The following OR1M1 variants were observed in gnomAD, a reference collection of about 807,000 sequenced individuals.
The protein encoded by OR1M1 is olfactory receptor 1M1.
For missense variants in OR1M1, 397 were observed against 401.8 expected (o/e 0.99, Z 0.10); for synonymous variants, 157 against 165.5 (o/e 0.95, Z 0.39).
At chr19:9,092,513 G>A (rs1336044485) in intron 1 of OR1M1, among the ~76,000 whole-genome samples, 3 of 152,142 alleles carry the variant, frequency 2.0e-5, no homozygotes, top group East Asian at 3.9e-4. Flanking sequence ...TGTGGCAGGA[G>A]GCTGGCTTGA....
intron 1 of OR1M1, among the ~76,000 whole-genome samples, chr19:9,089,674 C>T (rs138559357): frequency 5.2e-4 from 79 of 152,246 alleles, no homozygotes; most frequent in African/African-American, 1.9e-3. Flanking sequence ...ATCCGCCTGT[C>T]TCAGCCTCCC....
chr19:9,089,166 GCTGTAACAAATCTCTTCCTAT>G (rs1295983865), intron 1 of OR1M1, among the ~76,000 whole-genome samples: 1 of 152,106 alleles, frequency 6.6e-6, no homozygotes, highest in African/African-American at 2.4e-5. Flanking sequence ...AGTTCTGTAT[GCTGTAACAAATCTCTTCCTAT>G]CTGCCCCCTC....
At position 9,093,749 on chromosome 19, in the gene OR1M1, T is replaced by C. The variant is rs753652444; in HGVS notation, c.505T>C (p.Cys169Arg). ...HILLMARLVF[C>R]GSHEVPHYFC... ...CCTCCTGATGGCCCGTCTCGTTTTC[T>C]GCGGCAGCCATGAGGTGCCTCACTA... Residue 169 changes from cysteine (C) to arginine (R), a missense_variant, in exon 2 of 2, where the codon TGC (cysteine) becomes CGC (arginine). Physicochemically the swap from Cys to Arg is radical, Grantham distance 180. Coordinates refer to ENST00000641627, the MANE Select transcript of OR1M1 (RefSeq NM_001004456.2). 3.1e-6 allele frequency: 5 copies of C among 1,614,052 alleles called. No homozygotes were observed. The highest frequency in any genetic ancestry group is 4.2e-6 in the Non-Finnish European group (5 of 1,180,038).
At chr19:9,090,046 TAA>T (rs1362232725) in intron 1 of OR1M1, among the ~76,000 whole-genome samples, 2 of 152,224 alleles carry the variant, frequency 1.3e-5, no homozygotes, top group African/African-American at 4.8e-5. Flanking sequence ...GAAATAGCAC[TAA>T]CATTATTCTG....
Position 9,093,999 on chromosome 19 carries a change from A to T in OR1M1, c.755A>T (p.Tyr252Phe), listed in dbSNP as rs768842433. Residue 252 changes from tyrosine to phenylalanine, a missense_variant, in exon 2 of 2, where the codon TAT (tyrosine) becomes TTT (phenylalanine). By Grantham distance (22) the Tyr-to-Phe change is conservative. Coordinates refer to ENST00000641627, the MANE Select transcript of OR1M1 (RefSeq NM_001004456.2). Reference sequence around the variant, plus strand: ...CACCTGTCTGTGGTTGCTCTCTTCTATGGGACCACCATTGGCGTCTATCTG... The same window carrying T: ...CACCTGTCTGTGGTTGCTCTCTTCTTTGGGACCACCATTGGCGTCTATCTG... The part of the protein sequence containing the change: ...SSHLSVVALF[Y>F]GTTIGVYLCP... 6.2e-7 allele frequency: 1 copy of T among 1,614,068 alleles called. No individual in the cohort carries two copies.
rs758516944 is a variant in OR1M1, at chr19:9,093,352, G to T, written c.108G>T (p.Leu36=). Residue 36 remains leucine, a synonymous_variant, in exon 2 of 2, where the codon CTG becomes CTT. Coordinates refer to ENST00000641627, the MANE Select transcript of OR1M1 (RefSeq NM_001004456.2). ...LLFSLFFCMY[L]VMVVGNLLII... ...TTTCCCTGTTCTTCTGCATGTACCT[G>T]GTCATGGTCGTGGGGAACCTGCTCA... 6.2e-7 allele frequency: 1 copy of T among 1,613,752 alleles called. No homozygotes were observed. Among genetic ancestry groups the T allele is most frequent in the South Asian group, 1.1e-5 (1 of 91,062 alleles).
chr19:9,090,401 A>T (rs1376508854), intron 1 of OR1M1, among the ~76,000 whole-genome samples: 6 of 152,246 alleles, frequency 3.9e-5, no homozygotes, highest in African/African-American at 1.2e-4. Flanking sequence ...ATAAAAAATA[A>T]AAATATAAAA....
At position 9,093,819 on chromosome 19, in the gene OR1M1, C is replaced by T; in HGVS notation, c.575C>T (p.Thr192Ile). The change falls in exon 2 of 2, where the codon ACC (threonine) becomes ATC (isoleucine). Residue 192 changes from threonine to isoleucine, a missense_variant. Physicochemically the swap from Thr to Ile is moderately conservative, Grantham distance 89 (BLOSUM62 -1). Coordinates refer to ENST00000641627, the MANE Select transcript of OR1M1 (RefSeq NM_001004456.2). ...TPILRLSCTD[T>I]SVNRIFILIV... is the part of the protein sequence containing the mutation. Reference sequence around the variant, plus strand: ...ATCCTCCGACTTTCGTGCACGGACACCTCTGTGAATAGGATCTTCATCCTC... The same window carrying T: ...ATCCTCCGACTTTCGTGCACGGACATCTCTGTGAATAGGATCTTCATCCTC... 2 of 1,614,076 alleles carry T rather than the reference C, an allele frequency of 1.2e-6. No homozygotes were observed. Among genetic ancestry groups the T allele is most frequent in the Non-Finnish European group, 8.5e-7 (1 of 1,180,024 alleles).
In OR1M1 at chr19:9,093,555, T is replaced by C. The variant is rs764485242; in HGVS notation, c.311T>C (p.Phe104Ser). 12 of 1,614,040 alleles carry C rather than the reference T, an allele frequency of 7.4e-6. No individual in the cohort carries two copies. The highest frequency in any genetic ancestry group is 2.7e-5 in the African/African-American group (2 of 74,934). ...YPCCLIQMYFFHFFGIVDSVI... is the reference protein window; with the variant it reads ...YPCCLIQMYFSHFFGIVDSVI... ...TGCTGCCTGATCCAGATGTACTTCT[T>C]CCATTTCTTTGGCATCGTGGACAGC... Residue 104 changes from phenylalanine to serine, a missense_variant, in exon 2 of 2, where the codon TTC (phenylalanine) becomes TCC (serine). Phe to Ser is a radical substitution (Grantham distance 155). Coordinates refer to ENST00000641627, the MANE Select transcript of OR1M1 (RefSeq NM_001004456.2).
chr19:9,093,771 A>G lies in OR1M1; in HGVS notation c.527A>G (p.His176Arg), dbSNP rs773988415. 26 of 1,613,780 alleles carry G rather than the reference A, an allele frequency of 1.6e-5. No homozygotes were observed. The South Asian group carries it at 2.9e-4, about 18-fold the overall frequency. ...TTCTGCGGCAGCCATGAGGTGCCTC[A>G]CTACTTCTGCGACCTCACTCCCATC... ...LVFCGSHEVP[H>R]YFCDLTPILR... Residue 176 changes from histidine (H) to arginine (R), a missense_variant, in exon 2 of 2, where the codon CAC (histidine) becomes CGC (arginine). Physicochemically the swap from His to Arg is conservative, Grantham distance 29. Coordinates refer to ENST00000641627, the MANE Select transcript of OR1M1 (RefSeq NM_001004456.2).
chr19:9,090,101 T>A (rs1216435277), intron 1 of OR1M1, among the ~76,000 whole-genome samples: 1 of 152,206 alleles, frequency 6.6e-6, no homozygotes, highest in Non-Finnish European at 1.5e-5. Flanking sequence ...GATCAGTGCC[T>A]GGCAATACAG....
Position 9,094,169 on chromosome 19 carries a change from A to T in OR1M1, c.925A>T (p.Ile309Phe), listed in dbSNP as rs374737460. The T allele has an allele frequency of 1.9e-6, 3 of 1,607,234 alleles. No homozygotes were observed. The highest frequency in any genetic ancestry group is 2.5e-6 in the Non-Finnish European group (3 of 1,178,692). Reference protein sequence around the residue: ...GALRKLVNRKITSSS With the variant: ...GALRKLVNRKFTSSS ...TCTCAGGAAGCTGGTCAACAGAAAG[A>T]TCACCTCATCTTCCTGACCACCAGG... The change falls in exon 2 of 2, where the codon ATC becomes TTC. Residue 309 changes from isoleucine to phenylalanine, a missense_variant. By Grantham distance (21) the Ile-to-Phe change is conservative (BLOSUM62 0). Transcript: ENST00000641627.
rs1434803164 is a variant in OR1M1 at position 9,093,359 on chromosome 19, G to T, written c.115G>T (p.Val39Phe). 3.1e-6 allele frequency: 5 copies of T among 1,613,728 alleles called. No homozygotes were observed. The highest frequency in any genetic ancestry group is 4.2e-6 in the Non-Finnish European group (5 of 1,179,966). The change falls in exon 2 of 2, where the codon GTC becomes TTC. Residue 39 changes from valine (V) to phenylalanine (F), a missense_variant. Val to Phe is a conservative substitution (Grantham distance 50, BLOSUM62 -1). Transcript: ENST00000641627. ...GTTCTTCTGCATGTACCTGGTCATGGTCGTGGGGAACCTGCTCATCATCCT... is the reference window on the plus strand; with the variant it reads ...GTTCTTCTGCATGTACCTGGTCATGTTCGTGGGGAACCTGCTCATCATCCT... ...SLFFCMYLVM[V>F]VGNLLIILAI... is the part of the protein sequence containing the mutation.
intron 1 of OR1M1, among the ~76,000 whole-genome samples, chr19:9,088,360 A>G (rs1237727631): frequency 6.6e-6 from 1 of 152,176 alleles, no homozygotes; most frequent in Non-Finnish European, 1.5e-5. Flanking sequence ...GCAGAGGTCC[A>G]GATAGGATAG....
rs2050318049 is a variant in OR1M1, at chr19:9,094,835, C to T, written c.*649C>T. 1 of 152,490 alleles carries T rather than the reference C, an allele frequency of 6.6e-6. No homozygotes were observed. Among genetic ancestry groups the T allele is most frequent in the African/African-American group, 2.4e-5 (1 of 41,426 alleles). The allele number at this position is 152,490 out of a possible 1,614,324, so 9.4% of individuals were successfully genotyped here. Reference sequence around the variant, plus strand: ...CTTTTTTGTTTTTGAGACAGAGTCTCATTCTGTCACCCAGGCTGGAGTGCA... The same window carrying T: ...CTTTTTTGTTTTTGAGACAGAGTCTTATTCTGTCACCCAGGCTGGAGTGCA... On this transcript the variant is annotated 3_prime_UTR_variant, in exon 2 of 2. Coordinates refer to ENST00000641627, the MANE Select transcript of OR1M1 (RefSeq NM_001004456.2).
Position 9,095,587 on chromosome 19 carries a change from G to A in OR1M1, c.*1401G>A, listed in dbSNP as rs1207491232. 6.6e-6 allele frequency: 1 copy of A among 151,936 alleles called. No individual in the cohort carries two copies. The highest frequency in any genetic ancestry group is 1.5e-5 in the Non-Finnish European group (1 of 68,052). 9.4% of individuals were successfully genotyped at this position (151,936 alleles called of 1,614,324 possible). ...TATTTGTATATATTTTTTTGGTAGA[G>A]ATGGGGTCTCACTATGTTGTCCAGG... On this transcript the variant is annotated 3_prime_UTR_variant, in exon 2 of 2. Transcript: ENST00000641627.
intron 1 of OR1M1, among the ~76,000 whole-genome samples, chr19:9,088,767 A>T (rs2145902521): frequency 6.6e-6 from 1 of 152,216 alleles, no homozygotes; most frequent in African/African-American, 2.4e-5. Flanking sequence ...GGGTGCCTGT[A>T]ATCCCAGCTA....
intron 1 of OR1M1, among the ~76,000 whole-genome samples, chr19:9,091,913 T>C (rs1396856549): frequency 6.6e-6 from 1 of 151,738 alleles, no homozygotes; most frequent in Non-Finnish European, 1.5e-5. Context: ...ACCCTATTAT[T>C]ATTGTTGTTG....
In OR1M1 at chr19:9,095,320, A is replaced by C. The variant is rs1159803477; in HGVS notation, c.*1134A>C. ...TGACTGTGAGGGGAGGAGTCTTAGG[A>C]AGATGTCAACACGTGAAGGAGTGAA... On this transcript the variant is annotated 3_prime_UTR_variant, in exon 2 of 2. Transcript: ENST00000641627. The C allele has an allele frequency of 6.6e-6, 1 of 152,192 alleles. No homozygotes were observed. Among genetic ancestry groups the C allele is most frequent in the African/African-American group, 2.4e-5 (1 of 41,444 alleles). The allele number at this position is 152,192 out of a possible 1,614,324, so 9.4% of individuals were successfully genotyped here.
Sources: gnomAD v4.1 joint callset for allele counts (sites outside exome capture counted in the v4.1 genomes callset) on GRCh38, gnomAD v4.1.1 for gene constraint, MANE v1.5 for transcripts, NCBI Gene and HGNC (gene_info 2026-07-23, HGNC 2026-07-21) for gene names.